Variants in ZNF521 observed in about 807,000 individuals in gnomAD.
ZNF521 encodes the protein zinc finger protein 521, also known as LYST-interacting protein 3.
In ZNF521, 14 loss-of-function variants were observed where a neutral mutation model predicts 105.5. The ratio of observed to expected loss-of-function variants is 0.13; its 90% CI spans 0.09 to 0.21. The LOEUF (loss-of-function observed/expected upper bound fraction) is 0.21. Ranked by LOEUF, ZNF521 falls within the 10% of genes least tolerant of loss-of-function variation. The pLI is 1.00. For synonymous variants in ZNF521, 635 were observed against 606.0 expected, an observed-to-expected ratio of 1.05 and a Z score of -0.70; for missense variants, 1,233 against 1,629.7, an observed-to-expected ratio of 0.76 and a Z score of 4.19.
In ZNF521 at chr18:25,225,314, G is replaced by A; in HGVS notation, c.2604C>T (p.Ser868=). The stretch of plus-strand genomic sequence containing the variant: ...CTTCGCTCCCATCGTGACTGTTGTG[G>A]GACTCCTGGCTGTTGGTCAGCAAAG... ...LQTLLTNSQE[S]HNSHDGSEED... Residue 868 remains serine, a synonymous_variant, in exon 4 of 8, where the codon TCC becomes TCT. Transcript: ENST00000361524. The surrounding 1 kb of genome is among the most constrained non-coding windows in gnomAD (Gnocchi z 5.6). 6.2e-7 allele frequency: 1 copy of A among 1,614,012 alleles called. No individual in the cohort carries two copies. The highest frequency in any genetic ancestry group is 1.1e-5 in the South Asian group (1 of 91,046).
intron 4 of ZNF521, among the ~76,000 whole-genome samples, chr18:25,216,511 C>G (rs1431811210): frequency 1.3e-5 from 2 of 152,162 alleles, no homozygotes; most frequent in African/African-American, 4.8e-5. Flanking sequence ...TTACTGAGCC[C>G]TTATGATAAG....
At chr18:25,071,273 A>C (rs1382919922) in intron 7 of ZNF521, among the ~76,000 whole-genome samples, 1 of 152,218 alleles carries the variant, frequency 6.6e-6, no homozygotes, top group Non-Finnish European at 1.5e-5. Context: ...AAACTGTAGA[A>C]AGAATTCTTC....
At chr18:25,330,871 A>G (rs1913528560) in intron 2 of ZNF521, among the ~76,000 whole-genome samples, 1 of 152,254 alleles carries the variant, frequency 6.6e-6, no homozygotes, top group African/African-American at 2.4e-5. Flanking sequence ...GCGACAGAGC[A>G]GCAGGGGAAA....
At chr18:25,120,688 A>G (rs1175855784) in intron 5 of ZNF521, among the ~76,000 whole-genome samples, 1 of 152,206 alleles carries the variant, frequency 6.6e-6, no homozygotes, top group Non-Finnish European at 1.5e-5. Context: ...GTATACTAAA[A>G]GGGACATTGA....
At chr18:25,081,630 C>T (rs2033497818) in intron 7 of ZNF521, among the ~76,000 whole-genome samples, 1 of 152,118 alleles carries the variant, frequency 6.6e-6, no homozygotes, top group Non-Finnish European at 1.5e-5. Context: ...TTGTACAAAA[C>T]AGGTAATTGA....
Position 25,224,805 on chromosome 18 carries a change from T to C in ZNF521, c.3113A>G (p.His1038Arg). 6.2e-7 allele frequency: 1 copy of C among 1,614,048 alleles called. No individual in the cohort carries two copies. Among genetic ancestry groups the C allele is most frequent in the South Asian group, 1.1e-5 (1 of 91,068 alleles). ...TGTCTTTTGCATGTGGAACGTCCCA[T>C]GGATTTTGAGTTCCAAGGTGGAGGT... is the stretch of plus-strand genomic sequence containing the variant. ...TVTSTLELKIHGTFHMQKTGN... is the reference protein window; with the variant it reads ...TVTSTLELKIRGTFHMQKTGN... Residue 1038 changes from histidine (H) to arginine (R), a missense_variant, in exon 4 of 8, where the codon CAT becomes CGT. This residue lies in a region of ZNF521 where 614 missense variants were observed against 751.5 expected (regional missense o/e 0.82). Coordinates refer to ENST00000361524, the MANE Select transcript of ZNF521 (RefSeq NM_015461.3).
chr18:25,273,411 T>TC (rs1909815426), intron 3 of ZNF521: 1 of 152,032 alleles, frequency 6.6e-6, no homozygotes, highest in Non-Finnish European at 1.5e-5. Flanking sequence ...TTCACGATCA[T>TC]CAATGTCAGT....
At chr18:25,114,212 T>C (rs1484013276) in intron 5 of ZNF521, among the ~76,000 whole-genome samples, 2 of 152,192 alleles carry the variant, frequency 1.3e-5, no homozygotes, top group East Asian at 1.9e-4. Flanking sequence ...CCTTTATTTA[T>C]CCTTTGGCAA....
chr18:25,067,920 C>T (rs938354563), intron 7 of ZNF521, among the ~76,000 whole-genome samples: 1 of 152,116 alleles, frequency 6.6e-6, no homozygotes, highest in Non-Finnish European at 1.5e-5. Flanking sequence ...TTTGTGAAAT[C>T]TGTTGATTCA....
chr18:25,335,744 G>A (rs963274025), intron 2 of ZNF521, among the ~76,000 whole-genome samples: 3 of 152,180 alleles, frequency 2.0e-5, no homozygotes, highest in Non-Finnish European at 4.4e-5. Context: ...TTTAGACTTT[G>A]TCGGTATAGA....
At chr18:25,168,773 A>G (rs2035394825) in intron 5 of ZNF521, among the ~76,000 whole-genome samples, 2 of 152,190 alleles carry the variant, frequency 1.3e-5, no homozygotes, top group African/African-American at 4.8e-5. Flanking sequence ...ACCTTCCTTG[A>G]CATATACACC....
At chr18:25,312,529 C>CAACTATAGATGATCACTTTGTCTTTGGT (rs1600292138) in intron 3 of ZNF521, among the ~76,000 whole-genome samples, 9 of 111,332 alleles carry the variant, frequency 8.1e-5, no homozygotes, top group South Asian at 4.8e-4. Context: ...AAGTTGGAAC[C>CAACTATAGATGATCACTTTGTCTTTGGT]AGGCCGGGCG....
intron 3 of ZNF521, among the ~76,000 whole-genome samples, chr18:25,266,754 A>C (rs1292654378): frequency 6.6e-6 from 1 of 152,106 alleles, no homozygotes; most frequent in Non-Finnish European, 1.5e-5. Flanking sequence ...TTCACAACCC[A>C]CAGACCAGGA....
rs193234358 is a variant in ZNF521, at chr18:25,152,063, G to A, written c.3658+43097C>T. 1.2e-3 allele frequency among the ~76,000 whole-genome samples: 186 copies of A among 152,202 alleles called. 8 individuals carry two copies. In the East Asian group the frequency reaches 0.024, roughly 19 times the overall value. On this transcript the variant is annotated intron_variant, in intron 5 of 7. Coordinates refer to ENST00000361524, the MANE Select transcript of ZNF521 (RefSeq NM_015461.3). ...GTATTAATGAGGAATGATCCCAAAAGACCGTTTTTATGAACCCTCACTGTG... is the reference window on the plus strand; with the variant it reads ...GTATTAATGAGGAATGATCCCAAAAAACCGTTTTTATGAACCCTCACTGTG...
chr18:25,154,991 C>A (rs559843832), intron 5 of ZNF521, among the ~76,000 whole-genome samples: 31 of 152,116 alleles, frequency 2.0e-4, no homozygotes, highest in African/African-American at 7.0e-4. Context: ...ATGGTTGCAC[C>A]AACCTACATT....
At chr18:25,063,438 C>T (rs2144091490) in intron 7 of ZNF521, among the ~76,000 whole-genome samples, 1 of 152,282 alleles carries the variant, frequency 6.6e-6, no homozygotes, top group Middle Eastern at 3.4e-3. Flanking sequence ...TCAGCTGACA[C>T]AGCCTGTGCT....
In ZNF521 at chr18:25,115,445, T is replaced by TA. The variant is rs552351423; in HGVS notation, c.3659-23365dup. ...TCTTTTCCCCTTTAAATTTAACGAA[T>TA]AAAAAAAAACAGAAAAAGAAAATCA... is the stretch of plus-strand genomic sequence containing the variant. On this transcript the variant is annotated intron_variant, in intron 5 of 7. Coordinates refer to ENST00000361524, the MANE Select transcript of ZNF521 (RefSeq NM_015461.3). Among the ~76,000 whole-genome samples, 40 of 150,910 alleles carry TA rather than the reference T, an allele frequency of 2.7e-4. 1 individual carries two copies. Among genetic ancestry groups the TA allele is most frequent in the South Asian group, 2.5e-3 (12 of 4,748 alleles).
chr18:25,143,747 G>C (rs1357158686), intron 5 of ZNF521, among the ~76,000 whole-genome samples: 1 of 152,150 alleles, frequency 6.6e-6, no homozygotes, highest in Middle Eastern at 3.4e-3. Context: ...AGAAAGTTGC[G>C]ATAACTATCC....
intron 5 of ZNF521, among the ~76,000 whole-genome samples, chr18:25,186,151 G>C (rs2035718659): frequency 6.6e-6 from 1 of 151,970 alleles, no homozygotes; most frequent in Non-Finnish European, 1.5e-5. Flanking sequence ...GTGTTATGGG[G>C]AAAAAAAGAG....
Sources: gnomAD v4.1 joint callset for allele counts (sites outside exome capture counted in the v4.1 genomes callset) on GRCh38, gnomAD v4.1.1 for gene constraint, gnomAD v4.1.1 regional missense constraint, Gnocchi (gnomAD v3.1) non-coding constraint, MANE v1.5 for transcripts, NCBI Gene and HGNC (gene_info 2026-07-23, HGNC 2026-07-21) for gene names.